The following USH2A variants were observed in gnomAD, a reference collection of about 807,000 sequenced individuals.
USH2A encodes the protein Usher syndrome 2A (autosomal recessive, mild).
A neutral mutation model predicts 538.9 loss-of-function variants in USH2A; 443 were observed. The observed-to-expected ratio is 0.82, with a 90% confidence interval of 0.76 to 0.89. The LOEUF (loss-of-function observed/expected upper bound fraction) is 0.89. USH2A is among the 40% of genes least tolerant of loss of function. USH2A has a pLI of 0.00. For missense variants in USH2A, 6,633 were observed against 6,324.8 expected, an observed-to-expected ratio of 1.05 and a Z score of -1.65; for synonymous variants, 2,413 against 2,273.5, an observed-to-expected ratio of 1.06 and a Z score of -1.75.
At chr1:215,832,161 A>T (rs1663338729) in intron 47 of USH2A, among the ~76,000 whole-genome samples, 1 of 151,952 alleles carries the variant, frequency 6.6e-6, no homozygotes, top group Non-Finnish European at 1.5e-5. Flanking sequence ...CCTTCCATCA[A>T]AGAAAAACTC....
chr1:216,390,635 A>AAACT (rs1485800486), intron 3 of USH2A, among the ~76,000 whole-genome samples: 40 of 152,208 alleles, frequency 2.6e-4, no homozygotes, highest in African/African-American at 9.4e-4. Flanking sequence ...TTTCAAACCT[A>AAACT]AACTTTGAAG....
Position 216,325,588 on chromosome 1 carries a change from T to G in USH2A, c.860A>C (p.Glu287Ala), listed in dbSNP as rs775281649. 3 of 1,612,918 alleles carry G rather than the reference T, an allele frequency of 1.9e-6. No individual in the cohort carries two copies. In the African/African-American group the frequency reaches 4.0e-5, roughly 22 times the overall value. The stretch of plus-strand genomic sequence containing the variant: ...TCTGAGAAGATCTCCAGAGAAGACT[T>G]CCAGAATCTCTCTGTGGGAGTCAAG... ...QVALTNREIL[E>A]VFSGDLLRLH... The change falls in exon 6 of 72, where the codon GAA becomes GCA. Residue 287 changes from glutamate (E) to alanine (A), a missense_variant. Physicochemically the swap from Glu to Ala is moderately radical, Grantham distance 107 (BLOSUM62 -1). Coordinates refer to ENST00000307340, the MANE Select transcript of USH2A (RefSeq NM_206933.4).
chr1:216,000,269 G>T, intron 33 of USH2A, 134 bp downstream of exon 33: 4 of 1,257,342 alleles, frequency 3.2e-6, no homozygotes, highest in Admixed American at 3.7e-5. Context: ...AAGGTTCCCA[G>T]ATCCACTGAA....
At position 215,888,603 on chromosome 1, in the gene USH2A, C is replaced by T. The variant is rs1665127630; in HGVS notation, c.8046G>A (p.Arg2682=). 1 of 1,614,164 alleles carries T rather than the reference C, an allele frequency of 6.2e-7. No homozygotes were observed. The highest frequency in any genetic ancestry group is 8.5e-7 in the Non-Finnish European group (1 of 1,180,030). The part of the protein sequence containing the change: ...LVTLPRSHSM[R]FIDKTSALSP... ...TAAGAGCAGAAGTCTTGTCAATAAA[C>T]CTCATGGAATGACTCCTCGGGAGAG... Residue 2682 remains arginine, a synonymous_variant, in exon 41 of 72, where the codon AGG becomes AGA. Coordinates refer to ENST00000307340, the MANE Select transcript of USH2A (RefSeq NM_206933.4).
intron 64 of USH2A, among the ~76,000 whole-genome samples, chr1:215,658,827 C>A (rs1468632437): frequency 2.6e-5 from 4 of 152,234 alleles, no homozygotes; most frequent in Non-Finnish European, 4.4e-5. Flanking sequence ...CCATTATGTT[C>A]TCTGCAATAA....
At chr1:215,796,343 C>T (rs1023171916) in intron 50 of USH2A, among the ~76,000 whole-genome samples, 1 of 152,008 alleles carries the variant, frequency 6.6e-6, no homozygotes, top group African/African-American at 2.4e-5. Context: ...AGCACGTGTT[C>T]GCTTCGTGTC....
intron 48 of USH2A, 88 bp from the exon 49 acceptor site, chr1:215,813,992 G>A (rs930375409): frequency 2.8e-6 from 4 of 1,421,006 alleles, no homozygotes; most frequent in Admixed American, 1.9e-5. Flanking sequence ...TTATTTTCTT[G>A]TAAGGCATAG....
chr1:215,709,353 A>G (rs1659270793), intron 61 of USH2A, among the ~76,000 whole-genome samples: 1 of 152,208 alleles, frequency 6.6e-6, no homozygotes, highest in African/African-American at 2.4e-5. Flanking sequence ...ATAAGTAAAT[A>G]TACATATTAT....
At chr1:215,962,631 TGGG>T (rs1667230228) in intron 37 of USH2A, among the ~76,000 whole-genome samples, 1 of 146,574 alleles carries the variant, frequency 6.8e-6, no homozygotes, top group Non-Finnish European at 1.5e-5. Context: ...TATTTACAAA[TGGG>T]GGAAATATGT....
At chr1:216,277,484 C>T (rs2036692744) in intron 11 of USH2A, among the ~76,000 whole-genome samples, 1 of 152,130 alleles carries the variant, frequency 6.6e-6, no homozygotes, top group Non-Finnish European at 1.5e-5. Context: ...CCCTGAGATG[C>T]TCATGGGGTA....
chr1:216,011,138 CTA>C (rs1398804228), intron 32 of USH2A, among the ~76,000 whole-genome samples: 8 of 152,192 alleles, frequency 5.3e-5, no homozygotes, highest in Non-Finnish European at 8.8e-5. Flanking sequence ...AGTTCAGGAT[CTA>C]TGCCTTATCA....
intron 11 of USH2A, among the ~76,000 whole-genome samples, chr1:216,274,437 C>G (rs556265207): frequency 1.3e-5 from 2 of 152,166 alleles, no homozygotes; most frequent in African/African-American, 2.4e-5. Flanking sequence ...TTGCTAGGAG[C>G]CTTCTCAGCC....
At chr1:215,918,053 A>C (rs1364776600) in intron 38 of USH2A, among the ~76,000 whole-genome samples, 1 of 152,044 alleles carries the variant, frequency 6.6e-6, no homozygotes, top group East Asian at 1.9e-4. Flanking sequence ...CATTGAATCC[A>C]CTATTCTAAG....
chr1:216,355,378 G>GAAAGAAAGAAAGAAAGGAAGAAA (rs1191084342), intron 4 of USH2A, among the ~76,000 whole-genome samples: 1 of 112,872 alleles, frequency 8.9e-6, no homozygotes, highest in African/African-American at 3.4e-5. Flanking sequence ...AAAGAAAGAA[G>GAAAGAAAGAAAGAAAGGAAGAAA]GAAAGAAACA....
At chr1:216,156,078 C>T (rs1432643197) in intron 21 of USH2A, among the ~76,000 whole-genome samples, 1 of 151,992 alleles carries the variant, frequency 6.6e-6, no homozygotes, top group African/African-American at 2.4e-5. Context: ...TGTGATGGCC[C>T]TTGCATGATC....
At position 216,404,227 on chromosome 1, in the gene USH2A, TCC is replaced by T. The variant is rs138492344; in HGVS notation, c.651+14285_651+14286del. Among the ~76,000 whole-genome samples, 1,513 of 152,212 alleles carry T rather than the reference TCC, an allele frequency of 9.9e-3. 36 individuals are homozygous for T. The highest frequency in any genetic ancestry group is 0.035 in the African/African-American group (1,455 of 41,520). On this transcript the variant is annotated intron_variant, in intron 3 of 71. Coordinates refer to ENST00000307340, the MANE Select transcript of USH2A (RefSeq NM_206933.4). ...GTAAAAGATTTCAAATCACTCCAAA[TCC>T]ATCTATAGATATAATGCAATTCCTA...
intron 35 of USH2A, among the ~76,000 whole-genome samples, chr1:215,971,418 G>T (rs745827787): frequency 3.9e-5 from 6 of 152,022 alleles, no homozygotes; most frequent in Non-Finnish European, 7.4e-5. Flanking sequence ...GAACAGGAAG[G>T]ACATAGACCC....
At chr1:215,780,111 C>T in intron 54 of USH2A, 70 bp from the exon 55 acceptor site, 1 of 1,551,644 alleles carries the variant, frequency 6.4e-7, no homozygotes, top group Non-Finnish European at 8.8e-7. Flanking sequence ...ATGAGAATGT[C>T]ACTTTTGTTT....
Position 215,816,985 on chromosome 1 carries a change from GA to G in USH2A, c.9570+11del, listed in dbSNP as rs745547943. 1 of 1,611,788 alleles carries G rather than the reference GA, an allele frequency of 6.2e-7. No homozygotes were observed. Among genetic ancestry groups the G allele is most frequent in the Non-Finnish European group, 8.5e-7 (1 of 1,178,334 alleles). ...AAAAACATGGTTCACTGATTAGTTA[GA>G]AAAGACTTACCTTAGCTTCAGAAGA... On this transcript the variant is annotated intron_variant, in intron 48 of 71. Transcript: ENST00000307340.
Sources: gnomAD v4.1 joint callset for allele counts (sites outside exome capture counted in the v4.1 genomes callset) on GRCh38, gnomAD v4.1.1 for gene constraint, MANE v1.5 for transcripts, NCBI Gene and HGNC (gene_info 2026-07-23, HGNC 2026-07-21) for gene names.